Variants in ZMIZ1 observed in about 807,000 individuals in gnomAD.
The protein encoded by ZMIZ1 is zinc finger MIZ domain-containing protein 1.
ZMIZ1 carries 17 observed loss-of-function variants against 113.9 expected under a neutral mutation model. The ratio of observed to expected loss-of-function variants is 0.15; its 90% CI spans 0.10 to 0.22. ZMIZ1 has a LOEUF of 0.22. Ranked by LOEUF, ZMIZ1 falls within the 10% of genes least tolerant of loss-of-function variation. The pLI is 1.00. For missense variants in ZMIZ1, 1,059 were observed against 1,477.8 expected (o/e 0.72, Z 4.65); for synonymous variants, 607 against 603.1 (o/e 1.01, Z -0.09).
At chr10:79,167,599 C>T (rs181274999) in intron 4 of ZMIZ1, among the ~76,000 whole-genome samples, 7 of 152,254 alleles carry the variant, frequency 4.6e-5, no homozygotes, top group Non-Finnish European at 8.8e-5. Flanking sequence ...AGAGGAAAGG[C>T]GATGTGAGCA....
chr10:79,123,446 G>T, intron 2 of ZMIZ1, among the ~76,000 whole-genome samples: 1 of 152,218 alleles, frequency 6.6e-6, no homozygotes, highest in Non-Finnish European at 1.5e-5. Context: ...CCTGGAGCAT[G>T]GTTAGTGCTT....
intron 7 of ZMIZ1, among the ~76,000 whole-genome samples, chr10:79,242,155 T>G (rs1849864418): frequency 1.3e-5 from 2 of 149,490 alleles, no homozygotes; most frequent in South Asian, 2.1e-4. Context: ...CTTCCAGGGG[T>G]GTCTAAGGGG....
chr10:79,128,833 A>AAG (rs1564667665), intron 2 of ZMIZ1, among the ~76,000 whole-genome samples: 16 of 152,008 alleles, frequency 1.1e-4, no homozygotes, highest in Admixed American at 8.5e-4. Flanking sequence ...TCCAGTGGAA[A>AAG]AAGTAGTTTT....
chr10:79,275,938 C>G (rs1852260318), intron 7 of ZMIZ1, among the ~76,000 whole-genome samples: 1 of 152,224 alleles, frequency 6.6e-6, no homozygotes. Flanking sequence ...ATGGGAGACC[C>G]TTGAAATGTG....
At chr10:79,289,270 A>G (rs1239424177) in intron 8 of ZMIZ1, among the ~76,000 whole-genome samples, 1 of 152,152 alleles carries the variant, frequency 6.6e-6, no homozygotes, top group Non-Finnish European at 1.5e-5. Flanking sequence ...CTGCATTCCC[A>G]TGGCCCAGGC....
Position 79,302,326 on chromosome 10 carries a change from A to C in ZMIZ1, c.2125+114A>C, listed in dbSNP as rs1400675687. The stretch of plus-strand genomic sequence containing the variant: ...GACCTTTGCCTCCGTGCATGTCACC[A>C]CCGGGCCTGGAGTGTCCCTGAGCGC... On this transcript the variant is annotated intron_variant, in intron 18 of 24. Transcript: ENST00000334512. 4 of 1,082,408 alleles carry C rather than the reference A, an allele frequency of 3.7e-6. No homozygotes were observed. In the African/African-American group the frequency reaches 6.2e-5, roughly 17 times the overall value. 67.1% of individuals were successfully genotyped at this position (1,082,408 alleles called of 1,614,324 possible). A position where few individuals can be genotyped will look rare whatever the true frequency, so the allele number is the denominator to read the frequency against.
intron 7 of ZMIZ1, among the ~76,000 whole-genome samples, chr10:79,240,282 T>C (rs1234804934): frequency 1.3e-5 from 2 of 152,234 alleles, no homozygotes; most frequent in African/African-American, 4.8e-5. Context: ...TGAGCTGAGG[T>C]GGAGAGCGCC....
intron 4 of ZMIZ1, among the ~76,000 whole-genome samples, chr10:79,197,983 G>C (rs1204821072): frequency 6.6e-6 from 1 of 152,182 alleles, no homozygotes; most frequent in African/African-American, 2.4e-5. Flanking sequence ...ATTTTGGCCA[G>C]GTGTGGTGGC....
At chr10:79,227,010 A>G (rs1849224349) in intron 7 of ZMIZ1, among the ~76,000 whole-genome samples, 1 of 152,236 alleles carries the variant, frequency 6.6e-6, no homozygotes, top group South Asian at 2.1e-4. Context: ...AGGTACTCAT[A>G]TCTACCCCAT....
chr10:79,079,756 A>T (rs1403716524), intron 1 of ZMIZ1, among the ~76,000 whole-genome samples: 1 of 152,142 alleles, frequency 6.6e-6, no homozygotes, highest in African/African-American at 2.4e-5. Context: ...GGGTGTTGGG[A>T]TTCAGTGTCC....
chr10:79,171,287 G>C lies in ZMIZ1; in HGVS notation c.-50+9154G>C, dbSNP rs571494222. The stretch of plus-strand genomic sequence containing the variant: ...GCCAGAGAAGGAATTCTTCACTGCC[G>C]GGCCTTCACTCCACCGGGGATGAGG... On this transcript the variant is annotated intron_variant, in intron 4 of 24. Transcript: ENST00000334512. 6.0e-4 allele frequency among the ~76,000 whole-genome samples: 91 copies of C among 152,282 alleles called. 2 individuals carry two copies. In the South Asian group the frequency reaches 0.019, roughly 32 times the overall value.
In ZMIZ1 at chr10:79,216,245, A is replaced by G; in HGVS notation, c.251A>G (p.Asn84Ser). The change falls in exon 7 of 25, where the codon AAC becomes AGC. Residue 84 changes from asparagine to serine, a missense_variant. This residue lies in a region of ZMIZ1 where 272 missense variants were observed against 350.4 expected (regional missense o/e 0.78). Transcript: ENST00000334512. ...AGACTGCTGGCTGTGTGTGCTGCAA[A>G]CCGAGACAAGTTCACCCCGAAGTCT... is the stretch of plus-strand genomic sequence containing the variant. ...GYRLLAVCAA[N>S]RDKFTPKSAA... 2 of 1,590,562 alleles carry G rather than the reference A, an allele frequency of 1.3e-6. No individual in the cohort carries two copies. The highest frequency in any genetic ancestry group is 4.7e-5 in the East Asian group (2 of 42,298).
At chr10:79,120,584 G>A (rs991895353) in intron 2 of ZMIZ1, among the ~76,000 whole-genome samples, 6 of 152,198 alleles carry the variant, frequency 3.9e-5, no homozygotes, top group Non-Finnish European at 7.3e-5. Flanking sequence ...GCCCTTGCCC[G>A]CTCTAGGACT....
Position 79,306,094 on chromosome 10 carries a change from C to T in ZMIZ1, c.2424-6C>T, listed in dbSNP as rs576613701. 8 of 1,609,746 alleles carry T rather than the reference C, an allele frequency of 5.0e-6. No individual in the cohort carries two copies. The African/African-American group carries it at 5.3e-5, about 11-fold the overall frequency. The stretch of plus-strand genomic sequence containing the variant: ...AGCCTCAGCTCTGCCACCCTTCCTC[C>T]CCCAGCTCCGAGTTTGAAGAGGTCA... On this transcript the variant is annotated splice_region_variant and splice_polypyrimidine_tract_variant and intron_variant, in intron 21 of 24. Coordinates refer to ENST00000334512, the MANE Select transcript of ZMIZ1 (RefSeq NM_020338.4).
intron 1 of ZMIZ1, among the ~76,000 whole-genome samples, chr10:79,072,168 G>C (rs183470497): frequency 6.6e-6 from 1 of 152,298 alleles, no homozygotes; most frequent in East Asian, 1.9e-4. Flanking sequence ...CCTAAGCAAA[G>C]GGGGGAGGAG....
chr10:79,161,949 C>T, intron 3 of ZMIZ1, 104 bp from the exon 4 acceptor site: 1 of 398,788 alleles, frequency 2.5e-6, no homozygotes, highest in Non-Finnish European at 4.4e-6. Context: ...TCAGAGTCCC[C>T]CTCTGTCAGA....
At chr10:79,170,592 C>A (rs764974446) in intron 4 of ZMIZ1, among the ~76,000 whole-genome samples, 3 of 152,250 alleles carry the variant, frequency 2.0e-5, no homozygotes, top group Non-Finnish European at 4.4e-5. Context: ...GGATCACTAA[C>A]TGGTACCTAC....
intron 5 of ZMIZ1, among the ~76,000 whole-genome samples, chr10:79,206,930 G>A (rs534550223): frequency 2.6e-5 from 4 of 152,164 alleles, no homozygotes; most frequent in South Asian, 4.1e-4. Context: ...ACCTTGCCTC[G>A]CATGAACTAC....
intron 1 of ZMIZ1, among the ~76,000 whole-genome samples, chr10:79,078,041 G>A (rs1357970084): frequency 6.6e-6 from 1 of 152,202 alleles, no homozygotes; most frequent in Non-Finnish European, 1.5e-5. Flanking sequence ...ACAAAGGGCT[G>A]GCCCATCATC....
Sources: allele counts gnomAD v4.1 joint callset (sites outside exome capture counted in the v4.1 genomes callset), GRCh38; gene constraint gnomAD v4.1.1; regional missense constraint gnomAD v4.1.1; transcripts MANE v1.5; gene names NCBI Gene and HGNC (gene_info 2026-07-23, HGNC 2026-07-21).